The following PAN3 variants were observed in gnomAD, a reference collection of about 807,000 sequenced individuals.
PAN3 encodes the protein poly(A) specific ribonuclease subunit PAN3.
A neutral mutation model predicts 96.2 loss-of-function variants in PAN3; 19 were observed. That is an observed-to-expected ratio of 0.20 (90% CI 0.14 to 0.29). PAN3 has a LOEUF of 0.29. Ranked by LOEUF, PAN3 falls within the 10% of genes least tolerant of loss-of-function variation. PAN3 has a pLI of 1.00. For synonymous variants in PAN3, 433 were observed against 406.6 expected (o/e 1.06, Z -0.78); for missense variants, 882 against 1,108.1 (o/e 0.80, Z 2.90).
chr13:28,172,316 C>T (rs993079512), intron 1 of PAN3, among the ~76,000 whole-genome samples: 1 of 151,818 alleles, frequency 6.6e-6, no homozygotes, highest in East Asian at 1.9e-4. Flanking sequence ...ATTAGCCGGG[C>T]GTAGTGGTGG....
chr13:28,279,809 C>CT (rs1428623566), intron 15 of PAN3, among the ~76,000 whole-genome samples: 14 of 150,946 alleles, frequency 9.3e-5, no homozygotes, highest in Non-Finnish European at 1.9e-4. Flanking sequence ...TGTTTGTTTC[C>CT]TTTTTTTTGA....
intron 17 of PAN3, 78 bp from the exon 18 acceptor site, chr13:28,287,906 T>C (rs1360724737): frequency 2.2e-6 from 3 of 1,382,074 alleles, no homozygotes; most frequent in Non-Finnish European, 2.9e-6. Context: ...GTAAAACTAG[T>C]TTGGAGTCTA....
At chr13:28,198,025 C>G (rs1322712138) in intron 5 of PAN3, among the ~76,000 whole-genome samples, 1 of 152,054 alleles carries the variant, frequency 6.6e-6, no homozygotes, top group African/African-American at 2.4e-5. Flanking sequence ...GTAATCCCAG[C>G]ACTCTGGGAG....
chr13:28,179,941 CA>C (rs1450967190), intron 4 of PAN3, among the ~76,000 whole-genome samples: 1 of 151,698 alleles, frequency 6.6e-6, no homozygotes, highest in Non-Finnish European at 1.5e-5. Context: ...TATTTTAATA[CA>C]ATAAAATGTT....
chr13:28,190,008 A>G (rs1431648231), intron 4 of PAN3, among the ~76,000 whole-genome samples: 3 of 152,188 alleles, frequency 2.0e-5, no homozygotes, highest in Non-Finnish European at 2.9e-5. Context: ...CAATGACACA[A>G]TCTTGACTCA....
In PAN3 at chr13:28,204,504, ATATT is replaced by A. The variant is rs1254231603; in HGVS notation, c.852+7165_852+7168del. On this transcript the variant is annotated intron_variant, in intron 5 of 18. Transcript: ENST00000380958. ...TATCTCCTAAAGTTGATGTTTGTTT[ATATT>A]TATTTAGAGTACAGCCTGCAGTTAT... 5.9e-5 allele frequency among the ~76,000 whole-genome samples: 9 copies of A among 152,284 alleles called. No homozygotes were observed. In the East Asian group the frequency reaches 1.7e-3, roughly 29 times the overall value.
chr13:28,239,777 CA>C, intron 6 of PAN3: 1 of 837,314 alleles, frequency 1.2e-6, no homozygotes, highest in Non-Finnish European at 1.7e-6. Flanking sequence ...GTTGTGAAAA[CA>C]GGGTTTGTGA....
intron 1 of PAN3, among the ~76,000 whole-genome samples, chr13:28,171,789 A>G (rs1389984487): frequency 2.0e-5 from 3 of 152,098 alleles, no homozygotes; most frequent in Non-Finnish European, 2.9e-5. Flanking sequence ...GAAATTATTA[A>G]CTCAGCCTGT....
intron 1 of PAN3, among the ~76,000 whole-genome samples, chr13:28,158,530 G>C (rs888383661): frequency 6.6e-6 from 1 of 152,198 alleles, no homozygotes; most frequent in African/African-American, 2.4e-5. Flanking sequence ...CAGAGGACAT[G>C]AACAGACGCT....
chr13:28,154,304 C>T (rs976888252), intron 1 of PAN3, among the ~76,000 whole-genome samples: 1 of 152,098 alleles, frequency 6.6e-6, no homozygotes, highest in Admixed American at 6.6e-5. Context: ...ACTGTATACA[C>T]TCCAGTGAAA....
chr13:28,209,813 C>T (rs1315334453), intron 5 of PAN3, among the ~76,000 whole-genome samples: 4 of 151,934 alleles, frequency 2.6e-5, no homozygotes. Flanking sequence ...TTTTTCCTTT[C>T]TCCTTTTACC....
intron 17 of PAN3, among the ~76,000 whole-genome samples, chr13:28,285,113 TC>T (rs1055825293): frequency 2.0e-5 from 3 of 152,174 alleles, no homozygotes; most frequent in African/African-American, 4.8e-5. Flanking sequence ...TGGGAAAATT[TC>T]CCCCATTCTG....
chr13:28,187,971 G>A (rs1452386895), intron 4 of PAN3, among the ~76,000 whole-genome samples: 1 of 152,162 alleles, frequency 6.6e-6, no homozygotes, highest in Non-Finnish European at 1.5e-5. Context: ...TGAGATTACA[G>A]GCATGAGCCA....
chr13:28,261,303 A>T (rs1482452865), intron 8 of PAN3, 98 bp from the exon 9 acceptor site: 1 of 754,854 alleles, frequency 1.3e-6, no homozygotes, highest in Non-Finnish European at 2.1e-6. Flanking sequence ...AAAAGTGCAT[A>T]TGCCAAAAAT....
intron 4 of PAN3, among the ~76,000 whole-genome samples, chr13:28,189,418 A>G (rs771001543): frequency 4.6e-5 from 7 of 152,112 alleles, no homozygotes; most frequent in Non-Finnish European, 1.0e-4. Context: ...TGGGTGGCTG[A>G]GCCAGGAGAA....
chr13:28,201,263 T>C (rs1878663573), intron 5 of PAN3, among the ~76,000 whole-genome samples: 1 of 151,894 alleles, frequency 6.6e-6, no homozygotes. Flanking sequence ...AGGCTGATCT[T>C]GAACTCCTGG....
chr13:28,241,789 A>G (rs537708840), intron 6 of PAN3, among the ~76,000 whole-genome samples: 5 of 152,204 alleles, frequency 3.3e-5, no homozygotes, highest in African/African-American at 1.2e-4. Flanking sequence ...CATTTTTTGT[A>G]TTTTGATTAT....
rs1323795359 is a variant in PAN3 at position 28,174,529 on chromosome 13, G to T, written c.552+136G>T. On this transcript the variant is annotated intron_variant, in intron 2 of 18. Coordinates refer to ENST00000380958, the MANE Select transcript of PAN3 (RefSeq NM_175854.8). ...AGGCAGTGAGATGGGTGAGATGTAG[G>T]TAAACTATCTCCCATGGGGTTGGAG... is the stretch of plus-strand genomic sequence containing the variant. The T allele has an allele frequency of 3.0e-6, 3 of 999,600 alleles. No homozygotes were observed. The African/African-American group carries it at 4.9e-5, about 16-fold the overall frequency. The allele number at this position is 999,600 out of a possible 1,614,324, so 61.9% of individuals were successfully genotyped here. A position where few individuals can be genotyped will look rare whatever the true frequency, so the allele number is the denominator to read the frequency against.
intron 18 of PAN3, among the ~76,000 whole-genome samples, chr13:28,288,701 T>C (rs912893137): frequency 3.9e-5 from 6 of 152,238 alleles, no homozygotes; most frequent in Non-Finnish European, 7.3e-5. Context: ...TGTGGTTTTG[T>C]TATGCCGCTT....
Sources: gnomAD v4.1 joint callset for allele counts (sites outside exome capture counted in the v4.1 genomes callset) on GRCh38, gnomAD v4.1.1 for gene constraint, MANE v1.5 for transcripts, NCBI Gene and HGNC (gene_info 2026-07-23, HGNC 2026-07-21) for gene names.